The following BTBD9 variants were observed in gnomAD, a reference collection of about 807,000 sequenced individuals.
The protein encoded by BTBD9 is BTB/POZ domain-containing protein 9.
In BTBD9, 49 loss-of-function variants were observed where a neutral mutation model predicts 64.3. The ratio of observed to expected loss-of-function variants is 0.76; its 90% CI spans 0.61 to 0.97. BTBD9 has a LOEUF of 0.97. Among genes scored for constraint, BTBD9 ranks in the 50% least tolerant of loss-of-function variants. The pLI is 0.00. For synonymous variants in BTBD9, 260 were observed against 274.7 expected (o/e 0.95, Z 0.53); for missense variants, 598 against 762.1 (o/e 0.78, Z 2.53).
At chr6:38,522,003 T>G (rs1262045602) in intron 6 of BTBD9, among the ~76,000 whole-genome samples, 1 of 152,162 alleles carries the variant, frequency 6.6e-6, no homozygotes, top group African/African-American at 2.4e-5. Flanking sequence ...GTTATCAGTT[T>G]TTACACCTAG....
At chr6:38,402,156 A>T (rs1409956869) in intron 6 of BTBD9, among the ~76,000 whole-genome samples, 2 of 152,214 alleles carry the variant, frequency 1.3e-5, no homozygotes, top group African/African-American at 4.8e-5. Flanking sequence ...AGACTAGTAC[A>T]TTGAAAACTA....
At chr6:38,385,885 C>G (rs1337690758) in intron 6 of BTBD9, among the ~76,000 whole-genome samples, 1 of 150,408 alleles carries the variant, frequency 6.6e-6, no homozygotes, top group Admixed American at 6.6e-5. Context: ...ACCTCCACCT[C>G]TCGAGTCCAA....
intron 8 of BTBD9, among the ~76,000 whole-genome samples, chr6:38,278,108 A>C (rs1187642826): frequency 6.6e-6 from 1 of 152,226 alleles, no homozygotes; most frequent in Non-Finnish European, 1.5e-5. Flanking sequence ...TTATCCTTGT[A>C]TCCCTTTGTC....
chr6:38,358,216 T>C (rs1453802499), intron 6 of BTBD9, among the ~76,000 whole-genome samples: 1 of 151,984 alleles, frequency 6.6e-6, no homozygotes, highest in African/African-American at 2.4e-5. Context: ...ATATTCCACA[T>C]GCAGATGGGG....
intron 10 of BTBD9, chr6:38,179,691 G>A: frequency 2.2e-6 from 1 of 456,756 alleles, no homozygotes; most frequent in Admixed American, 2.3e-5. Context: ...GAACCTCAGG[G>A]CTGTGCCTTC....
chr6:38,197,356 T>C (rs1762301910), intron 9 of BTBD9, among the ~76,000 whole-genome samples: 1 of 152,204 alleles, frequency 6.6e-6, no homozygotes, highest in South Asian at 2.1e-4. Context: ...GCTTAGTTTC[T>C]TTCCACCAAA....
intron 7 of BTBD9, among the ~76,000 whole-genome samples, chr6:38,320,705 C>T (rs1435743196): frequency 1.3e-5 from 2 of 152,120 alleles, no homozygotes; most frequent in Non-Finnish European, 2.9e-5. Context: ...ATAAGTTAGA[C>T]AATGTTTACA....
At chr6:38,440,946 A>C (rs926474536) in intron 6 of BTBD9, among the ~76,000 whole-genome samples, 1 of 152,224 alleles carries the variant, frequency 6.6e-6, no homozygotes, top group Non-Finnish European at 1.5e-5. Context: ...AGTAATTTGC[A>C]CTTATACTTT....
At chr6:38,517,152 C>T (rs1206371875) in intron 6 of BTBD9, among the ~76,000 whole-genome samples, 2 of 152,158 alleles carry the variant, frequency 1.3e-5, no homozygotes, top group Non-Finnish European at 2.9e-5. Context: ...TGACCTAGAT[C>T]CACAGCAACC....
At chr6:38,493,689 C>A (rs141541582) in intron 6 of BTBD9, among the ~76,000 whole-genome samples, 2 of 152,290 alleles carry the variant, frequency 1.3e-5, no homozygotes, top group Non-Finnish European at 2.9e-5. Context: ...ACACTGAAAT[C>A]AAATTAACTA....
chr6:38,435,194 G>A (rs1426511941), intron 6 of BTBD9, among the ~76,000 whole-genome samples: 2 of 150,040 alleles, frequency 1.3e-5, no homozygotes, highest in Non-Finnish European at 3.0e-5. Context: ...ACTCTGTCTC[G>A]GGGGGTGGGG....
chr6:38,471,126 CT>C (rs941508026), intron 6 of BTBD9, among the ~76,000 whole-genome samples: 1 of 151,960 alleles, frequency 6.6e-6, no homozygotes, highest in Non-Finnish European at 1.5e-5. Context: ...CCTTAATTTT[CT>C]GCAAATGTAC....
At chr6:38,272,972 C>A (rs1765245618) in intron 8 of BTBD9, among the ~76,000 whole-genome samples, 1 of 152,182 alleles carries the variant, frequency 6.6e-6, no homozygotes, top group Non-Finnish European at 1.5e-5. Flanking sequence ...ACCCTTCTCA[C>A]AAGGTTCCTG....
At chr6:38,464,874 A>G (rs1770273365) in intron 6 of BTBD9, among the ~76,000 whole-genome samples, 1 of 152,198 alleles carries the variant, frequency 6.6e-6, no homozygotes, top group South Asian at 2.1e-4. Flanking sequence ...GAACTGGGAA[A>G]TATTCCCTTC....
At chr6:38,539,151 C>G (rs1774154855) in intron 6 of BTBD9, among the ~76,000 whole-genome samples, 2 of 152,130 alleles carry the variant, frequency 1.3e-5, no homozygotes, top group Non-Finnish European at 2.9e-5. Context: ...GGGCTGGTCT[C>G]AAACTCCTGG....
intron 6 of BTBD9, among the ~76,000 whole-genome samples, chr6:38,535,321 G>A (rs1279631127): frequency 6.6e-6 from 1 of 151,994 alleles, no homozygotes; most frequent in Non-Finnish European, 1.5e-5. Context: ...TCTCTACAAT[G>A]AAAACTATAA....
Position 38,250,160 on chromosome 6 carries a change from G to T in BTBD9, c.1562+6249C>A, listed in dbSNP as rs191528753. Among the ~76,000 whole-genome samples the T allele has an allele frequency of 1.1e-3, 161 of 152,222 alleles. 1 individual carries two copies. Among genetic ancestry groups the T allele is most frequent in the African/African-American group, 3.5e-3 (144 of 41,524 alleles). Reference sequence around the variant, plus strand: ...TCAATATCTTAAGAAAAGGGAAAGGGGTTTTTTTAAAACTGTTTACCCACA... The same window carrying T: ...TCAATATCTTAAGAAAAGGGAAAGGTGTTTTTTTAAAACTGTTTACCCACA... On this transcript the variant is annotated intron_variant, in intron 9 of 10. Coordinates refer to ENST00000481247, the MANE Select transcript of BTBD9 (RefSeq NM_001099272.2).
At chr6:38,540,569 G>A (rs1774227268) in intron 6 of BTBD9, among the ~76,000 whole-genome samples, 1 of 152,128 alleles carries the variant, frequency 6.6e-6, no homozygotes, top group Admixed American at 6.5e-5. Flanking sequence ...TATAAAAGTA[G>A]ACACAAAATT....
chr6:38,226,699 A>G (rs1031195110), intron 9 of BTBD9, among the ~76,000 whole-genome samples: 4 of 152,234 alleles, frequency 2.6e-5, no homozygotes, highest in African/African-American at 7.2e-5. Flanking sequence ...GCATAAGAAC[A>G]CTTAAATCTC....
Sources: allele counts gnomAD v4.1 joint callset (sites outside exome capture counted in the v4.1 genomes callset), GRCh38; gene constraint gnomAD v4.1.1; transcripts MANE v1.5; gene names NCBI Gene and HGNC (gene_info 2026-07-23, HGNC 2026-07-21).